PLAAT5: variants seen among roughly 807,000 people sequenced by gnomAD.
The protein encoded by PLAAT5 is Ca(2+)-independent N-acyltransferase.
Under a neutral mutation model 27.8 loss-of-function variants are expected in PLAAT5, and 27 were observed. That is an observed-to-expected ratio of 0.97 (90% CI 0.72 to 1.34). The LOEUF (loss-of-function observed/expected upper bound fraction) is 1.34. Ranked by LOEUF, PLAAT5 falls within the 40% of genes most tolerant of loss-of-function variation. The probability of loss-of-function intolerance (pLI) is 0.00; values close to 1 mark genes in which losing one functional copy is unlikely to be tolerated. For missense variants in PLAAT5, 368 were observed against 343.8 expected, an observed-to-expected ratio of 1.07 and a Z score of -0.56; for synonymous variants, 125 against 136.1, an observed-to-expected ratio of 0.92 and a Z score of 0.57.
In PLAAT5 at chr11:63,461,953, G is replaced by C. The variant is rs2015729919; in HGVS notation, c.*1550C>G. On this transcript the variant is annotated 3_prime_UTR_variant, in exon 6 of 6. Coordinates refer to ENST00000540857, the MANE Select transcript of PLAAT5 (RefSeq NM_001146729.2). ...GGGTTCAAGCCAGTAAAAAGCCAGA[G>C]AAGTGTCTTTCTGTCCCAAACATAA... 1 of 152,218 alleles carries C rather than the reference G, an allele frequency of 6.6e-6. No individual in the cohort carries two copies. The highest frequency in any genetic ancestry group is 1.5e-5 in the Non-Finnish European group (1 of 68,044). 9.4% of individuals were successfully genotyped at this position (152,218 alleles called of 1,614,324 possible). A position where few individuals can be genotyped will look rare whatever the true frequency, so the allele number is the denominator to read the frequency against.
chr11:63,476,149 TCTC>T (rs2016146498), intron 3 of PLAAT5, among the ~76,000 whole-genome samples: 4 of 152,088 alleles, frequency 2.6e-5, no homozygotes, highest in Non-Finnish European at 5.9e-5. Context: ...TTTCAGTCCC[TCTC>T]CTTTGTGCTA....
At position 63,490,434 on chromosome 11, in the gene PLAAT5, C is replaced by A. The variant is rs746297293; in HGVS notation, c.149-101G>T. On this transcript the variant is annotated intron_variant, in intron 1 of 5. Coordinates refer to ENST00000540857, the MANE Select transcript of PLAAT5 (RefSeq NM_001146729.2). ...TGGGCTCAGAGCTCTAGTCTAGCAT[C>A]GTGCCTGGCCCCTGGTTAGGCCTCA... 5.8e-5 allele frequency: 92 copies of A among 1,588,666 alleles called. No individual in the cohort carries two copies. The African/African-American group carries it at 8.3e-4, about 14-fold the overall frequency.
intron 3 of PLAAT5, among the ~76,000 whole-genome samples, chr11:63,473,075 A>G (rs1162378673): frequency 6.6e-6 from 1 of 152,110 alleles, no homozygotes; most frequent in Non-Finnish European, 1.5e-5. Context: ...GTGCCACTGC[A>G]CCACCGCACT....
At position 63,461,912 on chromosome 11, in the gene PLAAT5, G is replaced by A. The variant is rs1205708253; in HGVS notation, c.*1591C>T. On this transcript the variant is annotated 3_prime_UTR_variant, in exon 6 of 6. Transcript: ENST00000540857. The stretch of plus-strand genomic sequence containing the variant: ...AATGTGAGCCCTGAAACTTTCTAGA[G>A]AGTCTCTGTCCCATTGGGTTCAAGC... The A allele has an allele frequency of 6.6e-6, 1 of 152,184 alleles. No homozygotes were observed. The highest frequency in any genetic ancestry group is 1.5e-5 in the Non-Finnish European group (1 of 68,036). The allele number at this position is 152,184 out of a possible 1,614,324, so 9.4% of individuals were successfully genotyped here.
chr11:63,474,961 C>G (rs1463218586), intron 3 of PLAAT5, among the ~76,000 whole-genome samples: 1 of 151,950 alleles, frequency 6.6e-6, no homozygotes, highest in Non-Finnish European at 1.5e-5. Flanking sequence ...TTGTAAATTT[C>G]CCAAAATATC....
intron 3 of PLAAT5, among the ~76,000 whole-genome samples, chr11:63,480,749 T>C (rs2016264136): frequency 6.6e-6 from 1 of 152,140 alleles, no homozygotes; most frequent in South Asian, 2.1e-4. Context: ...ATCCTTCCCT[T>C]TTTCTTTTCT....
chr11:63,480,114 C>T (rs901074808), intron 3 of PLAAT5, among the ~76,000 whole-genome samples: 7 of 152,314 alleles, frequency 4.6e-5, no homozygotes, highest in Admixed American at 6.5e-5. Flanking sequence ...TAGGAACATG[C>T]GGTCCGTTCT....
chr11:63,478,497 AT>A (rs2016206419), intron 3 of PLAAT5, among the ~76,000 whole-genome samples: 1 of 151,936 alleles, frequency 6.6e-6, no homozygotes, highest in African/African-American at 2.4e-5. Flanking sequence ...GATTTTTTGT[AT>A]TTTTAGTAGA....
chr11:63,465,278 C>T (rs367671684), intron 5 of PLAAT5, among the ~76,000 whole-genome samples: 24 of 148,024 alleles, frequency 1.6e-4, no homozygotes, highest in African/African-American at 6.0e-4. Flanking sequence ...AACTCTGTCT[C>T]AAAAAAAAGA....
intron 3 of PLAAT5, among the ~76,000 whole-genome samples, chr11:63,481,714 T>C (rs1462446044): frequency 6.6e-6 from 1 of 152,182 alleles, no homozygotes; most frequent in Admixed American, 6.5e-5. Flanking sequence ...CACCATGGAA[T>C]ACTATGCAGC....
intron 3 of PLAAT5, among the ~76,000 whole-genome samples, chr11:63,481,160 C>A (rs2016274781): frequency 6.6e-6 from 1 of 152,238 alleles, no homozygotes; most frequent in South Asian, 2.1e-4. Context: ...ACCTTCTGGG[C>A]TGGGTGTGGT....
At chr11:63,475,230 T>C (rs2016124834) in intron 3 of PLAAT5, among the ~76,000 whole-genome samples, 1 of 152,108 alleles carries the variant, frequency 6.6e-6, no homozygotes, top group African/African-American at 2.4e-5. Flanking sequence ...CTATCCACTA[T>C]TGAGAGTGGG....
chr11:63,488,636 T>C (rs1284975313), intron 3 of PLAAT5, among the ~76,000 whole-genome samples: 1 of 151,860 alleles, frequency 6.6e-6, no homozygotes, highest in Non-Finnish European at 1.5e-5. Flanking sequence ...CAACACAAAT[T>C]TGTAAACTTT....
intron 5 of PLAAT5, among the ~76,000 whole-genome samples, 157 bp from the exon 6 acceptor site, chr11:63,463,752 T>C (rs2015781331): frequency 6.6e-6 from 1 of 152,156 alleles, no homozygotes; most frequent in Admixed American, 6.5e-5. Context: ...TCAAAACTCC[T>C]AGAGTGACAA....
At position 63,462,344 on chromosome 11, in the gene PLAAT5, G is replaced by T. The variant is rs968574129; in HGVS notation, c.*1159C>A. 1 of 152,116 alleles carries T rather than the reference G, an allele frequency of 6.6e-6. No homozygotes were observed. Among genetic ancestry groups the T allele is most frequent in the African/African-American group, 2.4e-5 (1 of 41,410 alleles). 9.4% of individuals were successfully genotyped at this position (152,116 alleles called of 1,614,324 possible). A position where few individuals can be genotyped will look rare whatever the true frequency, so the allele number is the denominator to read the frequency against. On this transcript the variant is annotated 3_prime_UTR_variant, in exon 6 of 6. Transcript: ENST00000540857. ...GAACTAGGGATATCAGTTTCATCCT[G>T]GTCATGATTCACAGAAATGAGTGCA...
chr11:63,484,036 G>A lies in PLAAT5; in HGVS notation c.345+4835C>T, dbSNP rs7943686. Among the ~76,000 whole-genome samples the A allele has an allele frequency of 5.0e-4, 75 of 149,896 alleles. 1 individual carries two copies. The East Asian group carries it at 0.014, about 28-fold the overall frequency. ...CACACACAAACTAGAAAATCTAGAG[G>A]ATATGGATAAATTCCTGTAAATATG... is the stretch of plus-strand genomic sequence containing the variant. On this transcript the variant is annotated intron_variant, in intron 3 of 5. Transcript: ENST00000540857.
At chr11:63,469,359 G>A (rs372199503) in intron 3 of PLAAT5, 11 of 243,656 alleles carry the variant, frequency 4.5e-5, no homozygotes, top group East Asian at 2.1e-4. Flanking sequence ...TTAGGACTCC[G>A]CTGGAAGCCT....
At chr11:63,479,526 T>C (rs965997224) in intron 3 of PLAAT5, among the ~76,000 whole-genome samples, 3 of 152,252 alleles carry the variant, frequency 2.0e-5, no homozygotes, top group African/African-American at 7.2e-5. Context: ...TTTAGGTATA[T>C]ACAGATTTTT....
intron 3 of PLAAT5, among the ~76,000 whole-genome samples, chr11:63,481,608 C>T (rs2120306796): frequency 6.6e-6 from 1 of 152,280 alleles, no homozygotes; most frequent in African/African-American, 2.4e-5. Flanking sequence ...CTAAGGCCTC[C>T]TATCTGACAA....
Sources: allele counts gnomAD v4.1 joint callset (sites outside exome capture counted in the v4.1 genomes callset), GRCh38; gene constraint gnomAD v4.1.1; transcripts MANE v1.5; gene names NCBI Gene and HGNC (gene_info 2026-07-23, HGNC 2026-07-21).